The following ERBB3 variants were observed in gnomAD, a reference collection of about 807,000 sequenced individuals.
ERBB3 encodes the protein erb-b2 receptor tyrosine kinase 3.
A neutral mutation model predicts 156.7 loss-of-function variants in ERBB3; 96 were observed. That is an observed-to-expected ratio of 0.61 (90% confidence interval 0.52 to 0.73). The LOEUF (loss-of-function observed/expected upper bound fraction) is 0.73. Ranked by LOEUF, ERBB3 falls within the 30% of genes least tolerant of loss-of-function variation. The probability of loss-of-function intolerance (pLI) is 0.00; values close to 1 mark genes in which losing one functional copy is unlikely to be tolerated. For synonymous variants in ERBB3, 567 were observed against 632.0 expected (o/e 0.90, Z 1.54); for missense variants, 1,406 against 1,709.4 (o/e 0.82, Z 3.13).
In ERBB3 at chr12:56,083,741, C is replaced by T; in HGVS notation, c.83-10C>T. ...CAGCCCTCAGCCACTCTTCCCTCTG[C>T]TTTGAACAGTGTGTCCTGGGACTCT... On this transcript the variant is annotated splice_polypyrimidine_tract_variant and intron_variant, in intron 1 of 27. Coordinates refer to ENST00000267101, the MANE Select transcript of ERBB3 (RefSeq NM_001982.4). 2 of 1,614,112 alleles carry T rather than the reference C, an allele frequency of 1.2e-6. No homozygotes were observed. Among genetic ancestry groups the T allele is most frequent in the South Asian group, 1.1e-5 (1 of 91,086 alleles).
intron 2 of ERBB3, among the ~76,000 whole-genome samples, chr12:56,084,582 C>T (rs774880230): frequency 7.2e-4 from 95 of 131,632 alleles, no homozygotes; most frequent in Non-Finnish European, 1.4e-3. Flanking sequence ...CGTAACAGAG[C>T]GAGACCCTGT....
At chr12:56,094,578 A>G (rs780001504) in intron 15 of ERBB3, 22 bp downstream of exon 15, 2 of 1,612,682 alleles carry the variant, frequency 1.2e-6, no homozygotes, top group South Asian at 2.2e-5. Context: ...GATAATAAGG[A>G]GAGGGGGTCA....
intron 20 of ERBB3, 66 bp from the exon 21 acceptor site, chr12:56,097,719 G>A (rs1868935075): frequency 6.6e-7 from 1 of 1,526,408 alleles, no homozygotes; most frequent in Non-Finnish European, 9.1e-7. Context: ...AAGATTTGGG[G>A]GAATTCCAGA....
At chr12:56,089,025 C>G (rs1037770241) in intron 9 of ERBB3, 157 bp downstream of exon 9, 7 of 954,762 alleles carry the variant, frequency 7.3e-6, no homozygotes, top group Non-Finnish European at 1.2e-5. Flanking sequence ...AACACATCCT[C>G]CATCCAGGCC....
chr12:56,095,355 T>C (rs762425528), intron 16 of ERBB3, 45 bp downstream of exon 16: 1 of 1,532,734 alleles, frequency 6.5e-7, no homozygotes. Context: ...TATTTGGGAG[T>C]TGGGAGAGAG....
chr12:56,085,365 C>T (rs1028563718), intron 3 of ERBB3, 184 bp downstream of exon 3: 4 of 1,459,648 alleles, frequency 2.7e-6, no homozygotes, highest in South Asian at 2.9e-5. Flanking sequence ...GAGCTAGGGG[C>T]ATCTGCTCCA....
chr12:56,099,534 G>A lies in ERBB3; in HGVS notation c.2840-114G>A, dbSNP rs192491617. ...GGCTGGTCTCAAAGTCCCGACCTCA[G>A]GTGATCCACCCGCCTTGGCCTCCCA... On this transcript the variant is annotated intron_variant, in intron 23 of 27. Coordinates refer to ENST00000267101, the MANE Select transcript of ERBB3 (RefSeq NM_001982.4). 1.0e-4 allele frequency: 88 copies of A among 849,438 alleles called. 1 individual carries two copies. The East Asian group carries it at 1.8e-3, about 18-fold the overall frequency. The allele number at this position is 849,438 out of a possible 1,614,324, so 52.6% of individuals were successfully genotyped here. A position where few individuals can be genotyped will look rare whatever the true frequency, so the allele number is the denominator to read the frequency against.
intron 1 of ERBB3, among the ~76,000 whole-genome samples, chr12:56,081,962 C>T (rs561463201): frequency 2.0e-5 from 3 of 152,252 alleles, no homozygotes; most frequent in Admixed American, 2.0e-4. Context: ...CCCAAGCTGC[C>T]TAGCTCCTCC....
At chr12:56,093,997 G>A in intron 13 of ERBB3, 101 bp downstream of exon 13, 5 of 1,574,126 alleles carry the variant, frequency 3.2e-6, no homozygotes, top group Non-Finnish European at 4.4e-6. Context: ...CTTTCTGCAT[G>A]TGCCTTGGTG....
rs977538724 is a variant in ERBB3 at position 56,082,639 on chromosome 12, C to T, written c.83-1112C>T. Among the ~76,000 whole-genome samples the T allele has an allele frequency of 5.3e-5, 8 of 152,170 alleles. No individual in the cohort carries two copies. In the South Asian group the frequency reaches 1.4e-3, roughly 28 times the overall value. On this transcript the variant is annotated intron_variant, in intron 1 of 27. Transcript: ENST00000267101. The stretch of plus-strand genomic sequence containing the variant: ...TGGAACAGGTGGTATCTACCCCCTA[C>T]TCCCCACCCCACACATGGTCTTTCC...
chr12:56,089,751 A>AAAAAG (rs946904979), intron 9 of ERBB3, among the ~76,000 whole-genome samples: 4 of 151,808 alleles, frequency 2.6e-5, no homozygotes, highest in African/African-American at 7.3e-5. Flanking sequence ...CTCAAAAAAA[A>AAAAAG]AAAAGAAAAG....
At chr12:56,099,208 A>C (rs1592231662) in intron 23 of ERBB3, among the ~76,000 whole-genome samples, 2 of 149,410 alleles carry the variant, frequency 1.3e-5, no homozygotes, top group Admixed American at 6.7e-5. Flanking sequence ...CGCCTGCCTC[A>C]GCTTCCCAAA....
chr12:56,092,684 G>T (rs1452445416), intron 9 of ERBB3, 63 bp from the exon 10 acceptor site: 1 of 1,099,454 alleles, frequency 9.1e-7, no homozygotes, highest in Non-Finnish European at 1.4e-6. Flanking sequence ...CTGAGGCTGG[G>T]TGTGCTCATT....
chr12:56,095,919 T>TA, intron 17 of ERBB3, 113 bp downstream of exon 17: 1 of 1,074,880 alleles, frequency 9.3e-7, no homozygotes, highest in African/African-American at 1.5e-5. Flanking sequence ...AGTGATGGGA[T>TA]AAATGTCACT....
rs376825281 is a variant in ERBB3, at chr12:56,089,716, G to A, written c.1109+848G>A. ...ACCGAGATTACACCACCGCACTCCA[G>A]CCTGGCGACAGAGCGAGACTCTTTC... On this transcript the variant is annotated intron_variant, in intron 9 of 27. Coordinates refer to ENST00000267101, the MANE Select transcript of ERBB3 (RefSeq NM_001982.4). Among the ~76,000 whole-genome samples the A allele has an allele frequency of 5.3e-5, 8 of 151,690 alleles. No individual in the cohort carries two copies. In the East Asian group the frequency reaches 1.6e-3, roughly 29 times the overall value.
Position 56,087,643 on chromosome 12 carries a change from G to A in ERBB3, c.613+1G>A. 6.2e-7 allele frequency: 1 copy of A among 1,614,076 alleles called. No individual in the cohort carries two copies. Among genetic ancestry groups the A allele is most frequent in the Non-Finnish European group, 8.5e-7 (1 of 1,179,916 alleles). On this transcript the variant is annotated splice_donor_variant, in intron 5 of 27. Transcript: ENST00000267101. LOFTEE classifies it high-confidence loss of function. ...CCTGGATCAGAAGACTGCCAGACAT[G>A]TGGGTTTGAAATTCCCTCCAAAAAC...
chr12:56,083,569 G>A (rs962300205), intron 1 of ERBB3, 182 bp from the exon 2 acceptor site: 4 of 681,134 alleles, frequency 5.9e-6, no homozygotes, highest in Non-Finnish European at 5.3e-6. Context: ...TCTGAGAAGA[G>A]AGAAAGCTCT....
At chr12:56,085,226 C>T (rs1486042043) in intron 3 of ERBB3, 45 bp downstream of exon 3, 1 of 1,614,002 alleles carries the variant, frequency 6.2e-7, no homozygotes, top group Non-Finnish European at 8.5e-7. Flanking sequence ...TCAGCCAGCC[C>T]AAGACTGGTA....
intron 25 of ERBB3, 67 bp downstream of exon 25, chr12:56,100,096 AT>A (rs1869038742): frequency 6.3e-7 from 1 of 1,592,772 alleles, no homozygotes; most frequent in African/African-American, 1.3e-5. Context: ...AGATACCCAG[AT>A]TAACTACTCA....
Sources: gnomAD v4.1 joint callset for allele counts (sites outside exome capture counted in the v4.1 genomes callset) on GRCh38, gnomAD v4.1.1 for gene constraint, MANE v1.5 for transcripts, NCBI Gene and HGNC (gene_info 2026-07-23, HGNC 2026-07-21) for gene names.